Variants in CDK11B observed in about 807,000 individuals in gnomAD.
CDK11B encodes cyclin dependent kinase 11B.
In CDK11B, 37 loss-of-function variants were observed where a neutral mutation model predicts 84.0. That is an observed-to-expected ratio of 0.44 (90% confidence interval 0.34 to 0.58). CDK11B has a LOEUF of 0.58. Among genes scored for constraint, CDK11B ranks in the 20% least tolerant of loss-of-function variants. The pLI, the probability that CDK11B is intolerant of heterozygous loss-of-function variation, is 0.02. For synonymous variants in CDK11B, 269 were observed against 309.8 expected (o/e 0.87, Z 1.38); for missense variants, 427 against 834.0 (o/e 0.51, Z 6.01).
intron 11 of CDK11B, among the ~76,000 whole-genome samples, chr1:1,639,591 G>A (rs1425795165): frequency 6.6e-6 from 1 of 150,888 alleles, no homozygotes; most frequent in Admixed American, 6.6e-5. Flanking sequence ...TCATGTACTC[G>A]GGGTGGCCTG....
rs1171821908 is a variant in CDK11B, at chr1:1,649,900, C to T, written c.356-263G>A. Among the ~76,000 whole-genome samples, 6 of 144,172 alleles carry T rather than the reference C, an allele frequency of 4.2e-5. No homozygotes were observed. In the East Asian group the frequency reaches 6.3e-4, roughly 15 times the overall value. 94.6% of individuals were successfully genotyped at this position (144,172 alleles called of 152,430 possible). ...CTGAGGCAGAAGAATTGCTTGAACC[C>T]GGGAGGCGGAGGTTGCAGTGAGCCG... On this transcript the variant is annotated intron_variant, in intron 4 of 19. Transcript: ENST00000341832.
At chr1:1,652,818 C>T (rs1173875563) in intron 3 of CDK11B, among the ~76,000 whole-genome samples, 9 of 151,954 alleles carry the variant, frequency 5.9e-5, no homozygotes, top group East Asian at 3.9e-4. Context: ...CTCCACCCTC[C>T]GGGTTCATGC....
intron 5 of CDK11B, among the ~76,000 whole-genome samples, chr1:1,648,557 T>G (rs1415944815): frequency 6.7e-6 from 1 of 150,144 alleles, no homozygotes. Context: ...TGGAGCAGCT[T>G]GCAAGCTTTC....
intron 5 of CDK11B, chr1:1,645,760 T>C (rs572084611): frequency 3.0e-6 from 1 of 337,194 alleles, no homozygotes; most frequent in Non-Finnish European, 5.7e-6. Context: ...GCTCTGTGGT[T>C]AGATGCATTC....
chr1:1,650,672 T>C (rs1406119043), intron 4 of CDK11B, among the ~76,000 whole-genome samples: 26 of 140,054 alleles, frequency 1.9e-4, no homozygotes, highest in East Asian at 9.8e-4. Flanking sequence ...GCCTTTTTTT[T>C]TTTTTTTTTT....
intron 11 of CDK11B, among the ~76,000 whole-genome samples, chr1:1,639,271 G>A (rs371456210): frequency 6.6e-6 from 1 of 151,806 alleles, no homozygotes; most frequent in African/African-American, 2.4e-5. Flanking sequence ...AAAAAAATTA[G>A]CCAGGCATGG....
At chr1:1,641,007 G>C in intron 10 of CDK11B, 41 bp downstream of exon 10, 2 of 1,586,730 alleles carry the variant, frequency 1.3e-6, no homozygotes, top group South Asian at 1.1e-5. Flanking sequence ...TGCACTCGGA[G>C]ACAGACAAGG....
At chr1:1,650,734 C>T (rs1641903149) in intron 4 of CDK11B, among the ~76,000 whole-genome samples, 1 of 150,020 alleles carries the variant, frequency 6.7e-6, no homozygotes, top group African/African-American at 2.5e-5. Context: ...TCTTGAACTC[C>T]CGGACTCAAT....
Position 1,655,376 on chromosome 1 carries a change from C to G in CDK11B, c.220G>C (p.Glu74Gln). Residue 74 changes from glutamate to glutamine, a missense_variant, in exon 3 of 20, where the codon GAA (glutamate) becomes CAA (glutamine). Around this residue, in one of 12 missense-constraint regions of CDK11B, gnomAD observed 57 missense variants for 62.2 expected, o/e 0.92. Transcript: ENST00000341832. ...ATCTGTACATCCGCTCACCTGTCTT[C>G]CATAGAGTCTTCTCTTCTATACGGG... is the stretch of plus-strand genomic sequence containing the variant. ...NSPYRREDSMEDRGEEDDSLA... is the reference protein window; with the variant it reads ...NSPYRREDSMQDRGEEDDSLA... 1 of 1,613,520 alleles carries G rather than the reference C, an allele frequency of 6.2e-7. No individual in the cohort carries two copies. The highest frequency in any genetic ancestry group is 8.5e-7 in the Non-Finnish European group (1 of 1,179,578).
At chr1:1,656,867 G>A (rs1570256859) in intron 2 of CDK11B, among the ~76,000 whole-genome samples, 1 of 152,166 alleles carries the variant, frequency 6.6e-6, no homozygotes, top group Non-Finnish European at 1.5e-5. Context: ...AAAGTGAAGT[G>A]CAATACAACA....
chr1:1,643,506 G>T (rs1345877430), intron 6 of CDK11B, among the ~76,000 whole-genome samples: 1 of 149,938 alleles, frequency 6.7e-6, no homozygotes, highest in African/African-American at 2.5e-5. Context: ...AACAGACACG[G>T]TTCCTGAAAA....
At chr1:1,654,343 C>G (rs896976532) in intron 3 of CDK11B, among the ~76,000 whole-genome samples, 1 of 152,206 alleles carries the variant, frequency 6.6e-6, no homozygotes, top group African/African-American at 2.4e-5. Flanking sequence ...TGTCTCTATT[C>G]TAGGCTCTGT....
intron 5 of CDK11B, among the ~76,000 whole-genome samples, chr1:1,648,279 C>T (rs1641432406): frequency 6.6e-6 from 1 of 151,808 alleles, no homozygotes; most frequent in Non-Finnish European, 1.5e-5. Context: ...ACTTCTATCC[C>T]AAGCTGTACT....
intron 4 of CDK11B, among the ~76,000 whole-genome samples, chr1:1,650,048 C>T (rs1235301120): frequency 0.014 from 2,096 of 150,066 alleles, 13 homozygotes; most frequent in Middle Eastern, 0.042. Flanking sequence ...CCGAGGTGGG[C>T]GGATCACAAG....
chr1:1,641,451 G>C (rs1314677268), intron 9 of CDK11B, among the ~76,000 whole-genome samples: 1 of 146,866 alleles, frequency 6.8e-6, no homozygotes, highest in African/African-American at 2.4e-5. Context: ...AGAGGTTGCA[G>C]TGAGCCGAGA....
At chr1:1,648,119 T>C (rs1438005605) in intron 5 of CDK11B, among the ~76,000 whole-genome samples, 1 of 152,260 alleles carries the variant, frequency 6.6e-6, no homozygotes, top group Admixed American at 6.5e-5. Flanking sequence ...GCCTCCCACG[T>C]AGCATATGCT....
At chr1:1,658,743 C>T (rs1160991947) in intron 1 of CDK11B, among the ~76,000 whole-genome samples, 171 bp downstream of exon 1, 2 of 150,338 alleles carry the variant, frequency 1.3e-5, no homozygotes, top group East Asian at 2.0e-4. Context: ...CGTTTGGACC[C>T]GCCGCCTCCA....
At chr1:1,637,999 G>A in intron 12 of CDK11B, 116 bp from the exon 13 acceptor site, 2 of 1,519,288 alleles carry the variant, frequency 1.3e-6, no homozygotes, top group African/African-American at 1.4e-5. Flanking sequence ...TCACGGAGGG[G>A]GGTCTCGTTC....
At chr1:1,650,744 T>C (rs36174442) in intron 4 of CDK11B, among the ~76,000 whole-genome samples, 10,437 of 149,810 alleles carry the variant, frequency 0.07, 486 homozygotes, top group South Asian at 0.19. Flanking sequence ...CCGGACTCAA[T>C]TGATCCTCCA....
Sources: gnomAD v4.1 joint callset for allele counts (sites outside exome capture counted in the v4.1 genomes callset) on GRCh38, gnomAD v4.1.1 for gene constraint, gnomAD v4.1.1 regional missense constraint, MANE v1.5 for transcripts, NCBI Gene and HGNC (gene_info 2026-07-23, HGNC 2026-07-21) for gene names.